Variants in ANXA13 observed in about 807,000 individuals in gnomAD.
ANXA13 encodes annexin XIII.
In ANXA13, 36 loss-of-function variants were observed where a neutral mutation model predicts 46.6. The ratio of observed to expected loss-of-function variants is 0.77; its 90% confidence interval spans 0.59 to 1.02. The LOEUF (loss-of-function observed/expected upper bound fraction) is 1.02, where lower values mean the gene tolerates loss of function less well. ANXA13 is among the 50% of genes least tolerant of loss of function. ANXA13 has a pLI of 0.00. For synonymous variants in ANXA13, 163 were observed against 152.9 expected (o/e 1.07, Z -0.49); for missense variants, 417 against 396.5 (o/e 1.05, Z -0.44).
intron 8 of ANXA13, 119 bp downstream of exon 8, chr8:123,693,077 CA>C: frequency 2.4e-6 from 2 of 844,168 alleles, no homozygotes; most frequent in South Asian, 3.3e-5. Context: ...AAATCGCCTC[CA>C]ATTGAGAACC....
At position 123,681,134 on chromosome 8, in the gene ANXA13, G is replaced by A. The variant is rs535049874; in HGVS notation, c.*106C>T. 178 of 1,410,766 alleles carry A rather than the reference G, an allele frequency of 1.3e-4. No individual in the cohort carries two copies. The African/African-American group carries it at 1.5e-3, about 12-fold the overall frequency. The allele number at this position is 1,410,766 out of a possible 1,614,324, so 87.4% of individuals were successfully genotyped here. On this transcript the variant is annotated 3_prime_UTR_variant, in exon 11 of 11. Coordinates refer to ENST00000419625, the MANE Select transcript of ANXA13 (RefSeq NM_004306.4). ...ACTTAAGCTGCCAAGAAAGTAATCC[G>A]GGACTCTTAAGGGTTTTCGTGCGGG...
chr8:123,704,760 T>C (rs16898755), intron 2 of ANXA13, among the ~76,000 whole-genome samples: 12,608 of 152,176 alleles, frequency 0.083, 1,010 homozygotes, highest in African/African-American at 0.21. Flanking sequence ...TTTCCCAGTC[T>C]TTCCTTTCTC....
rs372094504 is a variant in ANXA13 at position 123,737,244 on chromosome 8, T to C, written c.15+76A>G. Reference sequence around the variant, plus strand: ...TAGTGATAAAGTATACAAGTATCAGTCATGATTTTATAGTTTAAATTCTTC... The same window carrying C: ...TAGTGATAAAGTATACAAGTATCAGCCATGATTTTATAGTTTAAATTCTTC... On this transcript the variant is annotated intron_variant, in intron 1 of 10. Coordinates refer to ENST00000419625, the MANE Select transcript of ANXA13 (RefSeq NM_004306.4). 4.5e-4 allele frequency: 609 copies of C among 1,352,052 alleles called. 1 individual carries two copies. The highest frequency in any genetic ancestry group is 9.9e-4 in the Admixed American group (57 of 57,694). The allele number at this position is 1,352,052 out of a possible 1,614,324, so 83.8% of individuals were successfully genotyped here.
At chr8:123,697,281 C>T (rs1466992432) in intron 4 of ANXA13, among the ~76,000 whole-genome samples, 1 of 152,132 alleles carries the variant, frequency 6.6e-6, no homozygotes, top group African/African-American at 2.4e-5. Flanking sequence ...TGGCTGCCTC[C>T]CTGCTGGGAC....
chr8:123,695,049 T>G (rs1813305306), intron 6 of ANXA13, among the ~76,000 whole-genome samples: 1 of 152,020 alleles, frequency 6.6e-6, no homozygotes, highest in Non-Finnish European at 1.5e-5. Flanking sequence ...GCTGAGTTTC[T>G]TGTTGTAGTC....
intron 1 of ANXA13, among the ~76,000 whole-genome samples, chr8:123,719,263 TA>T (rs1455688764): frequency 2.6e-5 from 4 of 152,238 alleles, no homozygotes; most frequent in Non-Finnish European, 2.9e-5. Flanking sequence ...GCATGTGAAT[TA>T]ATTAAGAAAT....
intron 10 of ANXA13, among the ~76,000 whole-genome samples, chr8:123,683,881 C>T (rs1813088414): frequency 6.6e-6 from 1 of 152,184 alleles, no homozygotes; most frequent in African/African-American, 2.4e-5. Flanking sequence ...GCCATTGCAC[C>T]CGACCAGCTG....
chr8:123,680,799 G>C lies in ANXA13; in HGVS notation c.*441C>G, dbSNP rs1459817540. On this transcript the variant is annotated 3_prime_UTR_variant, in exon 11 of 11. Coordinates refer to ENST00000419625, the MANE Select transcript of ANXA13 (RefSeq NM_004306.4). ...ATCTTTGGAAAAGCAGCTGATAGAGGCATAATCCACAACTTTAATTAACAA... is the reference window on the plus strand; with the variant it reads ...ATCTTTGGAAAAGCAGCTGATAGAGCCATAATCCACAACTTTAATTAACAA... 1 of 153,592 alleles carries C rather than the reference G, an allele frequency of 6.5e-6. No homozygotes were observed. Among genetic ancestry groups the C allele is most frequent in the African/African-American group, 2.4e-5 (1 of 41,466 alleles). The allele number at this position is 153,592 out of a possible 1,614,324, so 9.5% of individuals were successfully genotyped here.
rs142216753 is a variant in ANXA13, at chr8:123,712,742, G to C, written c.27C>G (p.Ser9Arg). The stretch of plus-strand genomic sequence containing the variant: ...GATCCACATCAAAACCCTGAGGACT[G>C]CTCGCTTTAGCCTGGAGAAAATAAT... MGNRHAKA[S>R]SPQGFDVDRD... The change falls in exon 2 of 11, where the codon AGC becomes AGG. Residue 9 changes from serine to arginine, a missense_variant. Transcript: ENST00000419625. The C allele has an allele frequency of 6.8e-5, 109 of 1,614,070 alleles. No individual in the cohort carries two copies. In the African/African-American group the frequency reaches 1.2e-3, roughly 18 times the overall value.
At chr8:123,713,860 T>C (rs543832867) in intron 1 of ANXA13, among the ~76,000 whole-genome samples, 20 of 152,164 alleles carry the variant, frequency 1.3e-4, no homozygotes, top group African/African-American at 4.8e-4. Context: ...GCCTGGCTAA[T>C]TTTTTGTATT....
intron 2 of ANXA13, among the ~76,000 whole-genome samples, chr8:123,707,710 G>T (rs183827825): frequency 6.6e-6 from 1 of 152,216 alleles, no homozygotes; most frequent in African/African-American, 2.4e-5. Context: ...TCAGGGGCAA[G>T]GGGAGGGATA....
At chr8:123,694,518 C>T (rs868734512) in intron 6 of ANXA13, among the ~76,000 whole-genome samples, 2 of 152,136 alleles carry the variant, frequency 1.3e-5, no homozygotes, top group African/African-American at 2.4e-5. Flanking sequence ...GAGCTGCTGG[C>T]GGTCTCTAGG....
chr8:123,703,283 C>T (rs374552016), intron 2 of ANXA13, among the ~76,000 whole-genome samples: 5 of 150,400 alleles, frequency 3.3e-5, no homozygotes, highest in African/African-American at 7.4e-5. Context: ...TAATTCCATT[C>T]GTATGAAAGT....
At chr8:123,705,256 C>T (rs1813519029) in intron 2 of ANXA13, among the ~76,000 whole-genome samples, 1 of 152,210 alleles carries the variant, frequency 6.6e-6, no homozygotes, top group African/African-American at 2.4e-5. Context: ...TTTTAGCCTT[C>T]ACCCCGATAC....
intron 6 of ANXA13, among the ~76,000 whole-genome samples, chr8:123,695,083 A>C (rs1270412949): frequency 6.6e-6 from 1 of 151,880 alleles, no homozygotes; most frequent in Non-Finnish European, 1.5e-5. Flanking sequence ...GATCCAGTGA[A>C]TCCTGGAAGT....
intron 10 of ANXA13, among the ~76,000 whole-genome samples, chr8:123,681,693 G>A (rs1378546518): frequency 6.8e-5 from 10 of 148,002 alleles, no homozygotes; most frequent in Middle Eastern, 3.5e-3. Context: ...GTGCAGTCTC[G>A]GCTCACTGCA....
At chr8:123,732,269 T>C (rs932233736) in intron 1 of ANXA13, among the ~76,000 whole-genome samples, 10 of 152,166 alleles carry the variant, frequency 6.6e-5, no homozygotes, top group Admixed American at 6.5e-4. Context: ...CCTGATAGGA[T>C]TGTTGTGAAG....
chr8:123,686,292 G>C (rs550765893), intron 9 of ANXA13, among the ~76,000 whole-genome samples: 3 of 152,080 alleles, frequency 2.0e-5, no homozygotes, highest in African/African-American at 7.2e-5. Flanking sequence ...GGCCAACATG[G>C]TGAAACTCCG....
chr8:123,731,709 T>C (rs1814121951), intron 1 of ANXA13, among the ~76,000 whole-genome samples: 1 of 151,944 alleles, frequency 6.6e-6, no homozygotes, highest in African/African-American at 2.4e-5. Context: ...CCCCCATCTC[T>C]ACAAAAAATT....
Sources: gnomAD v4.1 joint callset for allele counts (sites outside exome capture counted in the v4.1 genomes callset) on GRCh38, gnomAD v4.1.1 for gene constraint, MANE v1.5 for transcripts, NCBI Gene and HGNC (gene_info 2026-07-23, HGNC 2026-07-21) for gene names.